Variants in FBXL17 observed in about 807,000 individuals in gnomAD.
FBXL17 encodes the protein F-box and leucine rich repeat protein 17.
FBXL17 carries 22 observed loss-of-function variants against 66.2 expected under a neutral mutation model. The ratio of observed to expected loss-of-function variants is 0.33; its 90% CI spans 0.24 to 0.47. FBXL17 has a LOEUF of 0.47. FBXL17 is among the 20% of genes least tolerant of loss of function. FBXL17 has a pLI of 1.00. For synonymous variants in FBXL17, 474 were observed against 400.5 expected, an observed-to-expected ratio of 1.18 and a Z score of -2.19; for missense variants, 878 against 948.2, an observed-to-expected ratio of 0.93 and a Z score of 0.97.
chr5:108,252,762 T>C (rs1385435105), intron 4 of FBXL17, among the ~76,000 whole-genome samples: 2 of 152,112 alleles, frequency 1.3e-5, no homozygotes, highest in African/African-American at 4.8e-5. Flanking sequence ...GCTGTATACA[T>C]ACCAAATTTC....
chr5:108,333,809 A>T (rs1760249214), intron 4 of FBXL17, among the ~76,000 whole-genome samples: 1 of 152,200 alleles, frequency 6.6e-6, no homozygotes, highest in African/African-American at 2.4e-5. Context: ...AGAAAGGGTT[A>T]TCTTAAAAGA....
chr5:108,066,464 T>C (rs1361362494), intron 6 of FBXL17, among the ~76,000 whole-genome samples: 3 of 151,876 alleles, frequency 2.0e-5, no homozygotes, highest in African/African-American at 7.2e-5. Flanking sequence ...TTATAAAAAT[T>C]ATTATAATTT....
At chr5:108,168,571 A>T (rs962758539) in intron 6 of FBXL17, among the ~76,000 whole-genome samples, 1 of 152,186 alleles carries the variant, frequency 6.6e-6, no homozygotes, top group Non-Finnish European at 1.5e-5. Flanking sequence ...AGATTAATCT[A>T]CCTAGGTGGA....
chr5:108,374,029 A>C (rs1398578408), intron 1 of FBXL17, among the ~76,000 whole-genome samples: 1 of 152,222 alleles, frequency 6.6e-6, no homozygotes, highest in Admixed American at 6.5e-5. Context: ...TTGAGAGTAA[A>C]AGCATGGAAC....
chr5:108,176,788 ATAC>A (rs1419222793), intron 6 of FBXL17, among the ~76,000 whole-genome samples: 8 of 152,190 alleles, frequency 5.3e-5, no homozygotes, highest in Non-Finnish European at 8.8e-5. Context: ...CTAATATTTA[ATAC>A]TACTACCTAC....
chr5:107,903,755 C>T (rs1042055108), intron 7 of FBXL17, among the ~76,000 whole-genome samples: 1 of 152,032 alleles, frequency 6.6e-6, no homozygotes. Context: ...GCCAAAATTA[C>T]CAGGAAAAAT....
Position 107,861,831 on chromosome 5 carries a change from C to T in FBXL17, c.1995G>A (p.Val665=), listed in dbSNP as rs572350610. Residue 665 remains valine, a synonymous_variant, in exon 9 of 9, where the codon GTG becomes GTA. Transcript: ENST00000542267. ...KVNEVTVEQL[V]QQYPHITFST... Reference sequence around the variant, plus strand: ...TGAAGGTGATGTGGGGGTACTGCTGCACCAGCTGTTCCACCGTCACTTCGT... The same window carrying T: ...TGAAGGTGATGTGGGGGTACTGCTGTACCAGCTGTTCCACCGTCACTTCGT... 9 of 1,555,558 alleles carry T rather than the reference C, an allele frequency of 5.8e-6. No individual in the cohort carries two copies. In the East Asian group the frequency reaches 2.2e-4, roughly 38 times the overall value.
chr5:108,204,371 T>C (rs974733945), intron 5 of FBXL17, among the ~76,000 whole-genome samples: 2 of 151,996 alleles, frequency 1.3e-5, no homozygotes, highest in African/African-American at 4.8e-5. Context: ...TTTGTAGAGA[T>C]GGGTCTTACT....
intron 6 of FBXL17, among the ~76,000 whole-genome samples, chr5:108,129,261 T>C (rs577522957): frequency 3.3e-5 from 5 of 152,264 alleles, no homozygotes; most frequent in South Asian, 4.1e-4. Context: ...ATTTGTTCTA[T>C]AGTTGTATAG....
chr5:108,348,309 A>G, intron 4 of FBXL17, 90 bp downstream of exon 4: 1 of 1,249,598 alleles, frequency 8.0e-7, no homozygotes, highest in Non-Finnish European at 1.1e-6. Flanking sequence ...CCATCACAAG[A>G]AAATAAGCAG....
intron 6 of FBXL17, among the ~76,000 whole-genome samples, chr5:108,163,100 C>G (rs1752276325): frequency 6.6e-6 from 1 of 152,128 alleles, no homozygotes; most frequent in Non-Finnish European, 1.5e-5. Flanking sequence ...GCATAAATTT[C>G]CTACATAATA....
chr5:108,308,317 A>C (rs951394781), intron 4 of FBXL17, among the ~76,000 whole-genome samples: 2 of 152,130 alleles, frequency 1.3e-5, no homozygotes, highest in Non-Finnish European at 2.9e-5. Context: ...CATTATAAAA[A>C]GCATATTTAT....
chr5:108,145,543 T>C (rs767510612), intron 6 of FBXL17, among the ~76,000 whole-genome samples: 1 of 152,162 alleles, frequency 6.6e-6, no homozygotes, highest in Non-Finnish European at 1.5e-5. Context: ...CTTACTTTCA[T>C]TTACTAACGC....
chr5:107,888,913 A>G (rs1367210623), intron 7 of FBXL17, among the ~76,000 whole-genome samples: 3 of 152,188 alleles, frequency 2.0e-5, no homozygotes, highest in Non-Finnish European at 2.9e-5. Flanking sequence ...AAAAACTGCT[A>G]AAGTGTTTTC....
intron 3 of FBXL17, among the ~76,000 whole-genome samples, chr5:108,352,756 G>A (rs1386086409): frequency 4.6e-5 from 7 of 152,082 alleles, no homozygotes; most frequent in East Asian, 1.9e-4. Context: ...TGATCCGCCC[G>A]CCTCAGCCTC....
chr5:108,095,228 T>C (rs1269076722), intron 6 of FBXL17, among the ~76,000 whole-genome samples: 4 of 151,484 alleles, frequency 2.6e-5, no homozygotes, highest in African/African-American at 9.7e-5. Flanking sequence ...AAATCAACTT[T>C]TATAAATACC....
intron 6 of FBXL17, among the ~76,000 whole-genome samples, chr5:108,061,314 T>C (rs1747911873): frequency 6.6e-6 from 1 of 151,916 alleles, no homozygotes; most frequent in African/African-American, 2.4e-5. Flanking sequence ...AATTCCTTAT[T>C]TCCTATTAAT....
At chr5:108,272,356 ATTTTTTT>A (rs200279924) in intron 4 of FBXL17, among the ~76,000 whole-genome samples, 1 of 145,646 alleles carries the variant, frequency 6.9e-6, no homozygotes, top group African/African-American at 2.5e-5. Flanking sequence ...GTTAGCTATA[ATTTTTTT>A]TTTTTTTTGA....
At chr5:107,980,118 T>C (rs1345649322) in intron 7 of FBXL17, among the ~76,000 whole-genome samples, 1 of 152,076 alleles carries the variant, frequency 6.6e-6, no homozygotes, top group Non-Finnish European at 1.5e-5. Context: ...TTAAACTGCA[T>C]TATCAGAAAT....
Sources: gnomAD v4.1 joint callset for allele counts (sites outside exome capture counted in the v4.1 genomes callset) on GRCh38, gnomAD v4.1.1 for gene constraint, MANE v1.5 for transcripts, NCBI Gene and HGNC (gene_info 2026-07-23, HGNC 2026-07-21) for gene names.